TSBP1: variants seen among roughly 807,000 people sequenced by gnomAD.
The protein encoded by TSBP1 is testis-expressed basic protein 1.
In TSBP1, 56 loss-of-function variants were observed where a neutral mutation model predicts 68.8. That is an observed-to-expected ratio of 0.81 (90% CI 0.66 to 1.02). TSBP1 has a LOEUF of 1.02. Ranked by LOEUF, TSBP1 falls within the 50% of genes least tolerant of loss-of-function variation. The pLI, the probability that TSBP1 is intolerant of heterozygous loss-of-function variation, is 0.00. For missense variants in TSBP1, 502 were observed against 641.2 expected, an observed-to-expected ratio of 0.78 and a Z score of 2.34; for synonymous variants, 171 against 208.7, an observed-to-expected ratio of 0.82 and a Z score of 1.56.
At chr6:32,339,430 A>G (rs746976552) in intron 10 of TSBP1, 170 bp downstream of exon 11, 8 of 720,950 alleles carry the variant, frequency 1.1e-5, no homozygotes, top group Non-Finnish European at 2.1e-5. Flanking sequence ...CTCCATCTTT[A>G]TGTGCTTTCT....
chr6:32,315,579 A>G lies in TSBP1; in HGVS notation c.580+193T>C, dbSNP rs1368172773. Among the ~76,000 whole-genome samples, 1 of 152,172 alleles carries G rather than the reference A, an allele frequency of 6.6e-6. No individual in the cohort carries two copies. Among genetic ancestry groups the G allele is most frequent in the Non-Finnish European group, 1.5e-5 (1 of 68,022 alleles). On this transcript the variant is annotated intron_variant, in intron 19 of 22. Transcript: ENST00000612031. This position sits in a 1 kb window ranked among gnomAD's most constrained non-coding sequence, Gnocchi z 5.4. ...TCTGTCTCAAAACAAAACAAAACAA[A>G]AAAACCTAAATAATGGGAAATATTA...
At chr6:32,307,019 AT>A (rs2127570417) in intron 19 of TSBP1, among the ~76,000 whole-genome samples, 2 of 149,328 alleles carry the variant, frequency 1.3e-5, no homozygotes, top group South Asian at 4.3e-4. Context: ...TTGTTTCAAA[AT>A]AATCAAAATT....
rs559979875 is a variant in TSBP1, at chr6:32,368,951, A to G, written c.101-137T>C. The G allele has an allele frequency of 2.1e-5, 22 of 1,054,102 alleles. No homozygotes were observed. The East Asian group carries it at 5.6e-4, about 27-fold the overall frequency. 65.3% of individuals were successfully genotyped at this position (1,054,102 alleles called of 1,614,324 possible). ...CCTGATATAATGCATTGTTGTTCTC[A>G]CCCATTTTCCACATCTCCCATCAGC... On this transcript the variant is annotated intron_variant, in intron 2 of 22. Coordinates refer to ENST00000612031, the Ensembl canonical transcript of TSBP1.
intron 10 of TSBP1, 48 bp downstream of exon 11, chr6:32,339,552 T>C (rs762911497): frequency 1.0e-6 from 1 of 954,178 alleles, no homozygotes; most frequent in Admixed American, 1.8e-5. Flanking sequence ...TGTACAATTA[T>C]TAGGTGTCAG....
chr6:32,324,102 T>C (rs956429596), intron 16 of TSBP1, among the ~76,000 whole-genome samples: 2 of 152,164 alleles, frequency 1.3e-5, no homozygotes, highest in Non-Finnish European at 2.9e-5. Context: ...ATTTTTTCCA[T>C]AGAGTTATTT....
At chr6:32,351,624 A>G (rs1328199851) in intron 8 of TSBP1, among the ~76,000 whole-genome samples, 1 of 152,074 alleles carries the variant, frequency 6.6e-6, no homozygotes, top group African/African-American at 2.4e-5. Context: ...TATGGGCAAA[A>G]TTCATAGCAA....
intron 20 of TSBP1, 50 bp from the exon 24 acceptor site, chr6:32,300,750 T>C: frequency 6.6e-7 from 1 of 1,525,882 alleles, no homozygotes; most frequent in Non-Finnish European, 9.1e-7. Context: ...CATTCCCTTC[T>C]TCCCAGTCCC....
chr6:32,318,119 T>C (rs1767174017), intron 18 of TSBP1, among the ~76,000 whole-genome samples: 1 of 152,100 alleles, frequency 6.6e-6, no homozygotes, highest in Non-Finnish European at 1.5e-5. Context: ...CATGCAGCCA[T>C]AAAAAGGAAC....
intron 17 of TSBP1, 115 bp from the exon 19 acceptor site, chr6:32,323,252 ATT>A: frequency 2.8e-6 from 2 of 707,128 alleles, no homozygotes; most frequent in Non-Finnish European, 5.0e-6. Context: ...CTAAATTATG[ATT>A]CTATGACTAT....
chr6:32,303,314 G>GTT (rs9279565), intron 19 of TSBP1, among the ~76,000 whole-genome samples: 5,730 of 146,628 alleles, frequency 0.039, 304 homozygotes, highest in African/African-American at 0.12. Context: ...TCTAGTACGT[G>GTT]TTTTTTTTTT....
chr6:32,321,780 T>C lies in TSBP1; in HGVS notation c.559+1337A>G, dbSNP rs1427206382. ...TATCCAGAGTGTGTTTAGATGGAAC[T>C]AGAGGGGAGTATGTAAGTATGTTTG... On this transcript the variant is annotated intron_variant, in intron 18 of 22. Coordinates refer to ENST00000612031, the Ensembl canonical transcript of TSBP1. The surrounding 1 kb of genome is among the most constrained non-coding windows in gnomAD (Gnocchi z 4.3). Among the ~76,000 whole-genome samples the C allele has an allele frequency of 6.6e-6, 1 of 152,228 alleles. No homozygotes were observed. The highest frequency in any genetic ancestry group is 1.5e-5 in the Non-Finnish European group (1 of 68,032).
At chr6:32,329,436 T>C (rs1299230035) in intron 16 of TSBP1, among the ~76,000 whole-genome samples, 1 of 152,204 alleles carries the variant, frequency 6.6e-6, no homozygotes, top group Non-Finnish European at 1.5e-5. Flanking sequence ...CTGTGAGTAC[T>C]GAGAAAAGCA....
chr6:32,298,820 AAGTT>A (rs1255205775), intron 22 of TSBP1, among the ~76,000 whole-genome samples: 1 of 151,246 alleles, frequency 6.6e-6, no homozygotes, highest in Non-Finnish European at 1.5e-5. Context: ...AATTAAACAA[AAGTT>A]ATTATTCTAC....
In TSBP1 at chr6:32,316,304, G is replaced by T; in HGVS notation, c.560-512C>A. ...ACCATGTAGGGTAATAAGGAAGCAA[G>T]GGAATAATGGGAACCACAAATCACT... On this transcript the variant is annotated intron_variant, in intron 18 of 22. Coordinates refer to ENST00000612031, the Ensembl canonical transcript of TSBP1. The surrounding 1 kb of genome is among the most constrained non-coding windows in gnomAD (Gnocchi z 4.5). The T allele has an allele frequency of 1.9e-6, 2 of 1,031,604 alleles. No homozygotes were observed. The highest frequency in any genetic ancestry group is 2.6e-5 in the East Asian group (1 of 39,158). 63.9% of individuals were successfully genotyped at this position (1,031,604 alleles called of 1,614,324 possible).
At position 32,335,146 on chromosome 6, in the gene TSBP1, G is replaced by A. The variant is rs896237548; in HGVS notation, c.472+291C>T. Among the ~76,000 whole-genome samples the A allele has an allele frequency of 1.6e-4, 25 of 152,168 alleles. No individual in the cohort carries two copies. Among genetic ancestry groups the A allele is most frequent in the African/African-American group, 5.3e-4 (22 of 41,448 alleles). Reference sequence around the variant, plus strand: ...GCACAGCAGGAAGTTTAGGTGCTGGGTTCTAAGTCTTTATTAAGTATTGGC... The same window carrying A: ...GCACAGCAGGAAGTTTAGGTGCTGGATTCTAAGTCTTTATTAAGTATTGGC... On this transcript the variant is annotated intron_variant, in intron 14 of 22. Transcript: ENST00000612031. The surrounding 1 kb of genome is among the most constrained non-coding windows in gnomAD (Gnocchi z 5.5).
chr6:32,358,402 T>G (rs987707551), intron 6 of TSBP1, among the ~76,000 whole-genome samples: 1 of 152,226 alleles, frequency 6.6e-6, no homozygotes, highest in Admixed American at 6.5e-5. Flanking sequence ...TTTTAAGAAT[T>G]TATTCCTTGA....
At chr6:32,300,013 C>T in intron 21 of TSBP1, 77 bp from the exon 25 acceptor site, 3 of 1,150,786 alleles carry the variant, frequency 2.6e-6, no homozygotes, top group East Asian at 2.5e-5. Context: ...TAGTATCCTT[C>T]CTAGGTGAAC....
chr6:32,304,724 C>A lies in TSBP1; in HGVS notation c.581-2095G>T, dbSNP rs1765617131. On this transcript the variant is annotated intron_variant, in intron 19 of 22. Transcript: ENST00000612031. This position sits in a 1 kb window ranked among gnomAD's most constrained non-coding sequence, Gnocchi z 4.8. ...TCCTTTCAAATCTCTACCATTATAC[C>A]AGCTCTCACTGTATTTTTTTTACAG... Among the ~76,000 whole-genome samples the A allele has an allele frequency of 6.6e-6, 1 of 151,948 alleles. No individual in the cohort carries two copies.
intron 6 of TSBP1, among the ~76,000 whole-genome samples, chr6:32,359,355 G>A (rs1369272458): frequency 1.3e-5 from 2 of 151,966 alleles, no homozygotes; most frequent in African/African-American, 4.8e-5. Flanking sequence ...GTGTGAGATG[G>A]TATCTCATTG....
Sources: allele counts gnomAD v4.1 joint callset (sites outside exome capture counted in the v4.1 genomes callset), GRCh38; gene constraint gnomAD v4.1.1; non-coding constraint Gnocchi (gnomAD v3.1); transcripts MANE v1.5; gene names NCBI Gene and HGNC (gene_info 2026-07-23, HGNC 2026-07-21).